NLRP4: variants seen among roughly 807,000 people sequenced by gnomAD.
NLRP4 encodes the protein NLR family pyrin domain containing 4.
NLRP4 carries 44 observed loss-of-function variants against 84.7 expected under a neutral mutation model. That is an observed-to-expected ratio of 0.52 (90% CI 0.41 to 0.67). The LOEUF (loss-of-function observed/expected upper bound fraction) is 0.67. NLRP4 is among the 30% of genes least tolerant of loss of function. The pLI is 0.00. For synonymous variants in NLRP4, 544 were observed against 476.4 expected (o/e 1.14, Z -1.85); for missense variants, 1,260 against 1,219.4 (o/e 1.03, Z -0.50).
intron 2 of NLRP4, among the ~76,000 whole-genome samples, chr19:55,855,559 C>A (rs1984378703): frequency 6.6e-6 from 1 of 152,160 alleles, no homozygotes; most frequent in African/African-American, 2.4e-5. Context: ...CCTTGTTCTC[C>A]CCAAAAACTT....
intron 3 of NLRP4, among the ~76,000 whole-genome samples, chr19:55,859,881 C>T (rs1212137636): frequency 9.6e-5 from 12 of 125,604 alleles, no homozygotes; most frequent in Admixed American, 4.9e-4. Flanking sequence ...GAGCTGAGAT[C>T]GCACCACTGC....
At position 55,836,570 on chromosome 19, in the gene NLRP4, A is replaced by C. The variant is rs1169893294; in HGVS notation, c.-430A>C. The C allele has an allele frequency of 1.3e-5, 2 of 152,362 alleles. No homozygotes were observed. The highest frequency in any genetic ancestry group is 4.8e-5 in the African/African-American group (2 of 41,460). The allele number at this position is 152,362 out of a possible 1,614,324, so 9.4% of individuals were successfully genotyped here. A position where few individuals can be genotyped will look rare whatever the true frequency, so the allele number is the denominator to read the frequency against. On this transcript the variant is annotated 5_prime_UTR_variant, in exon 1 of 10. Coordinates refer to ENST00000301295, the MANE Select transcript of NLRP4 (RefSeq NM_134444.5). ...CCAGGAAGGCGTGGAGCGGTGAGTC[A>C]GCGCTTCGTGCTGGGCTGTTCGTCT... is the stretch of plus-strand genomic sequence containing the variant.
At chr19:55,838,712 G>A (rs1170933383) in intron 1 of NLRP4, among the ~76,000 whole-genome samples, 1 of 151,998 alleles carries the variant, frequency 6.6e-6, no homozygotes, top group African/African-American at 2.4e-5. Context: ...TATTTTTCCT[G>A]ATCTGTTCAA....
chr19:55,854,924 A>G (rs1157923219), intron 2 of NLRP4, among the ~76,000 whole-genome samples: 4 of 152,180 alleles, frequency 2.6e-5, no homozygotes, highest in Non-Finnish European at 5.9e-5. Context: ...GGATTTTGCC[A>G]TGTTGGCCAG....
chr19:55,865,066 G>A (rs1313822090), intron 5 of NLRP4, among the ~76,000 whole-genome samples: 3 of 152,200 alleles, frequency 2.0e-5, no homozygotes, highest in Non-Finnish European at 4.4e-5. Context: ...GAAGTTTGGT[G>A]TACAAATTAT....
rs140065558 is a variant in NLRP4, at chr19:55,879,036, T to C, written c.2867+72T>C. 173 of 1,175,786 alleles carry C rather than the reference T, an allele frequency of 1.5e-4. 1 individual carries two copies. The African/African-American group carries it at 2.0e-3, about 13-fold the overall frequency. 72.8% of individuals were successfully genotyped at this position (1,175,786 alleles called of 1,614,324 possible). A position where few individuals can be genotyped will look rare whatever the true frequency, so the allele number is the denominator to read the frequency against. ...AGAAGGGATTGGCTGGGACCTGCAG[T>C]GTAATCACGTTGCATTTAAAATGCA... On this transcript the variant is annotated intron_variant, in intron 9 of 9. Coordinates refer to ENST00000301295, the MANE Select transcript of NLRP4 (RefSeq NM_134444.5).
At chr19:55,844,359 C>T (rs2122997808) in intron 1 of NLRP4, among the ~76,000 whole-genome samples, 1 of 152,210 alleles carries the variant, frequency 6.6e-6, no homozygotes. Context: ...TCTCAGCTCA[C>T]TGTAACCTCC....
intron 3 of NLRP4, among the ~76,000 whole-genome samples, chr19:55,860,350 A>G (rs1329838472): frequency 6.6e-6 from 1 of 152,204 alleles, no homozygotes; most frequent in African/African-American, 2.4e-5. Flanking sequence ...GCTGAGCAGG[A>G]GGATGCTTGA....
At chr19:55,879,058 T>C in intron 9 of NLRP4, 94 bp downstream of exon 9, 1 of 956,460 alleles carries the variant, frequency 1.0e-6, no homozygotes, top group Non-Finnish European at 1.6e-6. Context: ...GCATTTAAAA[T>C]GCAAATGATG....
chr19:55,850,154 G>A (rs868495429), intron 1 of NLRP4, among the ~76,000 whole-genome samples: 60 of 104,216 alleles, frequency 5.8e-4, no homozygotes, highest in Admixed American at 7.2e-4. Flanking sequence ...AATTTCCGAG[G>A]CTGCGGTGTA....
At position 55,850,692 on chromosome 19, in the gene NLRP4, T is replaced by A. The variant is rs187419595; in HGVS notation, c.-65-1324T>A. On this transcript the variant is annotated intron_variant, in intron 1 of 9. Coordinates refer to ENST00000301295, the MANE Select transcript of NLRP4 (RefSeq NM_134444.5). ...GTCCGTGGCTGCGGTGTAATGTCCG[T>A]GGCTGCGGTGTACTTCCCGAGGCTG... Among the ~76,000 whole-genome samples, 169 of 72,722 alleles carry A rather than the reference T, an allele frequency of 2.3e-3. 10 individuals are homozygous for A. The highest frequency in any genetic ancestry group is 9.5e-3 in the African/African-American group (101 of 10,592). 47.7% of individuals were successfully genotyped at this position (72,722 alleles called of 152,430 possible).
At chr19:55,841,713 A>C (rs1185076364) in intron 1 of NLRP4, among the ~76,000 whole-genome samples, 2 of 151,986 alleles carry the variant, frequency 1.3e-5, no homozygotes, top group Non-Finnish European at 2.9e-5. Flanking sequence ...ATACAAAAAA[A>C]AGTTAGCCGG....
At chr19:55,865,346 C>T (rs1984915332) in intron 5 of NLRP4, among the ~76,000 whole-genome samples, 2 of 152,158 alleles carry the variant, frequency 1.3e-5, no homozygotes. Flanking sequence ...GCATAGTATT[C>T]CATGGTGTAT....
chr19:55,855,167 G>A (rs1233237892), intron 2 of NLRP4, among the ~76,000 whole-genome samples: 1 of 152,146 alleles, frequency 6.6e-6, no homozygotes, highest in Non-Finnish European at 1.5e-5. Flanking sequence ...CTGTGTTTGT[G>A]CCACTGCACT....
intron 7 of NLRP4, 22 bp downstream of exon 7, chr19:55,871,019 T>C: frequency 6.2e-7 from 1 of 1,610,562 alleles, no homozygotes. Flanking sequence ...GCTGTTTCTT[T>C]GAAGACCAAG....
At chr19:55,853,964 TCTTTC>T (rs1225488255) in intron 2 of NLRP4, among the ~76,000 whole-genome samples, 1 of 151,732 alleles carries the variant, frequency 6.6e-6, no homozygotes, top group Non-Finnish European at 1.5e-5. Flanking sequence ...TCTATTTCTC[TCTTTC>T]CTTCTTTCTT....
chr19:55,879,229 G>A (rs1340611724), intron 9 of NLRP4, among the ~76,000 whole-genome samples: 7 of 152,072 alleles, frequency 4.6e-5, no homozygotes, highest in Admixed American at 3.3e-4. Flanking sequence ...CCAGGGCCGT[G>A]GAGATCCAAG....
intron 2 of NLRP4, among the ~76,000 whole-genome samples, chr19:55,853,885 CTCTT>C (rs1312904317): frequency 2.3e-4 from 28 of 122,132 alleles, no homozygotes; most frequent in South Asian, 1.0e-3. Context: ...CTCTTGCTAT[CTCTT>C]TCTCTCTCTC....
intron 7 of NLRP4, among the ~76,000 whole-genome samples, chr19:55,874,336 C>G (rs1568674200): frequency 6.6e-6 from 1 of 152,098 alleles, no homozygotes; most frequent in Non-Finnish European, 1.5e-5. Flanking sequence ...CTAAGGTTCA[C>G]TATGTATTTT....
Sources: allele counts gnomAD v4.1 joint callset (sites outside exome capture counted in the v4.1 genomes callset), GRCh38; gene constraint gnomAD v4.1.1; transcripts MANE v1.5; gene names NCBI Gene and HGNC (gene_info 2026-07-23, HGNC 2026-07-21).